CEACAM20: variants seen among roughly 807,000 people sequenced by gnomAD.
The protein encoded by CEACAM20 is cell adhesion molecule CEACAM20.
In CEACAM20, 50 loss-of-function variants were observed where a neutral mutation model predicts 61.2. The ratio of observed to expected loss-of-function variants is 0.82; its 90% CI spans 0.65 to 1.03. The LOEUF (loss-of-function observed/expected upper bound fraction) is 1.03. Among genes scored for constraint, CEACAM20 ranks in the 50% least tolerant of loss-of-function variants. The probability of loss-of-function intolerance (pLI) is 0.00; values close to 1 mark genes in which losing one functional copy is unlikely to be tolerated. For missense variants in CEACAM20, 683 were observed against 736.4 expected (o/e 0.93, Z 0.84); for synonymous variants, 282 against 287.7 (o/e 0.98, Z 0.20).
At chr19:44,526,905 G>A (rs570102274) in intron 1 of CEACAM20, among the ~76,000 whole-genome samples, 1 of 151,088 alleles carries the variant, frequency 6.6e-6, no homozygotes, top group African/African-American at 2.4e-5. Flanking sequence ...AAAAAAACAC[G>A]AGACTTTGCT....
intron 10 of CEACAM20, 127 bp from the exon 11 acceptor site, chr19:44,511,282 TG>T (rs1970991699): frequency 7.4e-7 from 1 of 1,352,864 alleles, no homozygotes; most frequent in South Asian, 1.4e-5. Flanking sequence ...GAATCAGAGG[TG>T]GAAGCAGGGT....
At chr19:44,513,145 A>AT in intron 7 of CEACAM20, 27 bp downstream of exon 7, 3 of 1,557,594 alleles carry the variant, frequency 1.9e-6, no homozygotes, top group Non-Finnish European at 1.8e-6. Context: ...CCCCATCCCC[A>AT]TCCCCCTCCC....
intron 1 of CEACAM20, among the ~76,000 whole-genome samples, chr19:44,525,934 C>T (rs918475045): frequency 1.3e-5 from 2 of 152,162 alleles, no homozygotes; most frequent in African/African-American, 4.8e-5. Context: ...CTGTATTCCA[C>T]ATAGAGAAAA....
chr19:44,511,912 G>T, intron 9 of CEACAM20, 105 bp downstream of exon 9: 2 of 1,127,578 alleles, frequency 1.8e-6, no homozygotes, highest in Non-Finnish European at 2.6e-6. Flanking sequence ...ACTTAACCTG[G>T]CACTGGGTTT....
rs111978729 is a variant in CEACAM20 at position 44,511,853 on chromosome 19, G to A, written c.1575+164C>T. Among the ~76,000 whole-genome samples, 81 of 152,302 alleles carry A rather than the reference G, an allele frequency of 5.3e-4. 1 individual carries two copies. Among genetic ancestry groups the A allele is most frequent in the African/African-American group, 1.8e-3 (73 of 41,574 alleles). On this transcript the variant is annotated intron_variant, in intron 9 of 11. Transcript: ENST00000614924. ...ACGAGGAGAAGAGATGAAAAAACCCGGGAGGGTCTTGAGATCCTCAGAGAA... is the reference window on the plus strand; with the variant it reads ...ACGAGGAGAAGAGATGAAAAAACCCAGGAGGGTCTTGAGATCCTCAGAGAA...
chr19:44,507,281 G>A lies in CEACAM20; in HGVS notation c.1738-1067C>T, dbSNP rs554214088. On this transcript the variant is annotated intron_variant, in intron 11 of 11. Transcript: ENST00000614924. ...TAGGAAACAAACATGGCTCCCCTAC[G>A]CAGACACTGGTGAAGAGAGGGACTT... 8.5e-5 allele frequency among the ~76,000 whole-genome samples: 13 copies of A among 152,280 alleles called. No homozygotes were observed. The South Asian group carries it at 1.0e-3, about 12-fold the overall frequency.
At chr19:44,518,099 AAAGAAAGGAAGGAAGGAAGGAAGG>A (rs1347295981) in intron 5 of CEACAM20, among the ~76,000 whole-genome samples, 1 of 102,618 alleles carries the variant, frequency 9.7e-6, no homozygotes, top group Non-Finnish European at 1.8e-5. Context: ...AGAAAGAAAG[AAAGAAAGGAAGGAAGGAAGGAAGG>A]AAGGAAGGAA....
intron 4 of CEACAM20, among the ~76,000 whole-genome samples, chr19:44,521,745 AGT>A (rs956388966): frequency 2.1e-4 from 32 of 151,460 alleles, no homozygotes; most frequent in Non-Finnish European, 3.5e-4. Context: ...GTTTTGTGTG[AGT>A]GTGTGTTGTA....
At position 44,522,314 on chromosome 19, in the gene CEACAM20, A is replaced by G. The variant is rs555679595; in HGVS notation, c.751+320T>C. Among the ~76,000 whole-genome samples, 283 of 152,170 alleles carry G rather than the reference A, an allele frequency of 1.9e-3. 1 individual carries two copies. The highest frequency in any genetic ancestry group is 3.4e-3 in the Middle Eastern group (1 of 292). ...GAGACAGGGTTTCACCATGGTAGCC[A>G]GAGTGTTCTCAATCTCCTAACCTCG... is the stretch of plus-strand genomic sequence containing the variant. On this transcript the variant is annotated intron_variant, in intron 4 of 11. Coordinates refer to ENST00000614924, the MANE Select transcript of CEACAM20 (RefSeq NM_001102597.3).
In CEACAM20 at chr19:44,524,039, G is replaced by C. The variant is rs374483938; in HGVS notation, c.419C>G (p.Ala140Gly). 9.6e-5 allele frequency: 149 copies of C among 1,559,556 alleles called. No homozygotes were observed. Among genetic ancestry groups the C allele is most frequent in the Non-Finnish European group, 1.2e-4 (143 of 1,150,920 alleles). Residue 140 changes from alanine (A) to glycine (G), a missense_variant, in exon 3 of 12, where the codon GCT becomes GGT. By Grantham distance (60) the Ala-to-Gly change is moderately conservative. Coordinates refer to ENST00000614924, the MANE Select transcript of CEACAM20 (RefSeq NM_001102597.3). ...CCTCTGGCTCAGAAGGGCATCTCGA[G>C]CTTCACATTGGTAAGTCCCTGAGTC... ...REDSGTYQCE[A>G]RDALLSQRSD...
chr19:44,513,510 C>T (rs1414533001), intron 6 of CEACAM20, among the ~76,000 whole-genome samples: 2 of 148,654 alleles, frequency 1.3e-5, no homozygotes, highest in Non-Finnish European at 3.0e-5. Flanking sequence ...GTGGCGTGAC[C>T]TCAGCTCACT....
At chr19:44,520,086 T>C (rs1971307088) in intron 5 of CEACAM20, among the ~76,000 whole-genome samples, 1 of 152,166 alleles carries the variant, frequency 6.6e-6, no homozygotes, top group South Asian at 2.1e-4. Flanking sequence ...GCATTTCCCC[T>C]AATAAAACCC....
In CEACAM20 at chr19:44,520,631, G is replaced by C. The variant is rs746801300; in HGVS notation, c.873C>G (p.Gly291=). The C allele has an allele frequency of 3.1e-6, 5 of 1,614,020 alleles. 1 individual carries two copies. The Middle Eastern group carries it at 4.9e-4, about 160-fold the overall frequency. The change falls in exon 5 of 12, where the codon GGC becomes GGG. Residue 291 remains glycine, a synonymous_variant. Transcript: ENST00000614924. ...QSVNVQWFLS[G]QPLLPSEHLQ... The stretch of plus-strand genomic sequence containing the variant: ...GGTGCTCACTGGGCAGGAGGGGCTG[G>C]CCACTTAGGAACCACTGGACATTCA...
chr19:44,527,502 G>C (rs1436973487), intron 1 of CEACAM20, among the ~76,000 whole-genome samples: 2 of 152,104 alleles, frequency 1.3e-5, no homozygotes, highest in African/African-American at 4.8e-5. Context: ...CTGTCATAAG[G>C]ATAAGTGAAA....
chr19:44,521,007 T>C (rs1485641196), intron 4 of CEACAM20, among the ~76,000 whole-genome samples: 1 of 152,110 alleles, frequency 6.6e-6, no homozygotes, highest in Non-Finnish European at 1.5e-5. Context: ...GGTGTGTAAG[T>C]GTTTTGCGTC....
chr19:44,513,421 C>A, intron 6 of CEACAM20, 132 bp from the exon 7 acceptor site: 13 of 508,052 alleles, frequency 2.6e-5, no homozygotes, highest in Non-Finnish European at 3.9e-5. Flanking sequence ...TGGGAGGTAT[C>A]AGATTGTGGT....
chr19:44,516,855 C>G (rs1293576727), intron 6 of CEACAM20, 91 bp downstream of exon 6: 2 of 1,428,104 alleles, frequency 1.4e-6, no homozygotes, highest in Admixed American at 2.1e-5. Context: ...CTGCCACACT[C>G]CAGCCCTCGG....
At chr19:44,527,279 T>C (rs1317494253) in intron 1 of CEACAM20, among the ~76,000 whole-genome samples, 2 of 64,052 alleles carry the variant, frequency 3.1e-5, no homozygotes, top group Non-Finnish European at 6.0e-5. Context: ...ATGGCAACGA[T>C]GATGATGATG....
chr19:44,519,410 C>G (rs151336693), intron 5 of CEACAM20, among the ~76,000 whole-genome samples: 230 of 152,248 alleles, frequency 1.5e-3, no homozygotes, highest in African/African-American at 5.1e-3. Flanking sequence ...GAGGAGTGAG[C>G]AACAGAGAAG....
Sources: allele counts gnomAD v4.1 joint callset (sites outside exome capture counted in the v4.1 genomes callset), GRCh38; gene constraint gnomAD v4.1.1; transcripts MANE v1.5; gene names NCBI Gene and HGNC (gene_info 2026-07-23, HGNC 2026-07-21).